CDH13: variants seen among roughly 807,000 people sequenced by gnomAD.
CDH13 encodes the protein cadherin-13.
CDH13 carries 24 observed loss-of-function variants against 63.8 expected under a neutral mutation model. That is an observed-to-expected ratio of 0.38 (90% CI 0.27 to 0.53). CDH13 has a LOEUF of 0.53. CDH13 is among the 20% of genes least tolerant of loss of function. The pLI, the probability that CDH13 is intolerant of heterozygous loss-of-function variation, is 0.85. For synonymous variants in CDH13, 503 were observed against 355.3 expected, an observed-to-expected ratio of 1.42 and a Z score of -4.67; for missense variants, 1,049 against 903.1, an observed-to-expected ratio of 1.16 and a Z score of -2.07.
At chr16:83,276,238 T>C (rs891071676) in intron 5 of CDH13, among the ~76,000 whole-genome samples, 3 of 152,138 alleles carry the variant, frequency 2.0e-5, no homozygotes, top group Admixed American at 6.5e-5. Context: ...CAAGCTGATA[T>C]CTGTTTTTCC....
At chr16:82,762,197 A>G (rs993837502) in intron 1 of CDH13, among the ~76,000 whole-genome samples, 3 of 152,152 alleles carry the variant, frequency 2.0e-5, no homozygotes, top group African/African-American at 7.2e-5. Flanking sequence ...CTTCCCAAAG[A>G]TGAAATGAAG....
intron 11 of CDH13, among the ~76,000 whole-genome samples, chr16:83,774,847 G>T (rs913674260): frequency 1.3e-5 from 2 of 152,166 alleles, no homozygotes; most frequent in Non-Finnish European, 2.9e-5. Flanking sequence ...AGAAAGTTCT[G>T]GAGATGAATG....
chr16:83,567,911 C>A (rs549130493), intron 7 of CDH13, among the ~76,000 whole-genome samples: 1 of 152,124 alleles, frequency 6.6e-6, no homozygotes, highest in African/African-American at 2.4e-5. Context: ...CAAGTTTTAA[C>A]CCTGTAAATT....
chr16:83,149,855 C>T (rs1166876393), intron 4 of CDH13, among the ~76,000 whole-genome samples: 1 of 152,208 alleles, frequency 6.6e-6, no homozygotes, highest in East Asian at 1.9e-4. Flanking sequence ...GTAATATTTA[C>T]ACCACAGAAA....
chr16:83,276,659 G>T (rs763909514), intron 5 of CDH13, among the ~76,000 whole-genome samples: 2 of 151,982 alleles, frequency 1.3e-5, no homozygotes, highest in Non-Finnish European at 2.9e-5. Flanking sequence ...TCACGAGTTC[G>T]GGAGATCGAG....
chr16:83,277,107 C>G (rs930858151), intron 5 of CDH13, among the ~76,000 whole-genome samples: 4 of 152,094 alleles, frequency 2.6e-5, no homozygotes, highest in Non-Finnish European at 5.9e-5. Flanking sequence ...TATCACAGAA[C>G]TACCACAATA....
chr16:83,418,690 AAGAG>A (rs72075939), intron 6 of CDH13, among the ~76,000 whole-genome samples: 40 of 151,058 alleles, frequency 2.6e-4, no homozygotes, highest in African/African-American at 8.5e-4. Flanking sequence ...AGTTTTAGCA[AAGAG>A]AGAGAGAGAG....
At chr16:82,895,809 G>A (rs1034166342) in intron 2 of CDH13, among the ~76,000 whole-genome samples, 5 of 151,962 alleles carry the variant, frequency 3.3e-5, no homozygotes, top group Non-Finnish European at 7.4e-5. Flanking sequence ...GCTTGAACAC[G>A]TCCACAGAAA....
intron 4 of CDH13, among the ~76,000 whole-genome samples, chr16:83,194,355 C>G (rs1197698925): frequency 6.6e-6 from 1 of 152,134 alleles, no homozygotes; most frequent in African/African-American, 2.4e-5. Flanking sequence ...ATTTTAAAAG[C>G]AAAATGACTG....
intron 3 of CDH13, among the ~76,000 whole-genome samples, chr16:83,033,452 T>C (rs1001464701): frequency 5.9e-5 from 9 of 152,216 alleles, no homozygotes; most frequent in African/African-American, 1.9e-4. Context: ...CTTCAGTATA[T>C]ATATGTGTGT....
chr16:83,598,126 G>A (rs1481531624), intron 7 of CDH13, among the ~76,000 whole-genome samples: 4 of 152,196 alleles, frequency 2.6e-5, no homozygotes, highest in African/African-American at 9.7e-5. Flanking sequence ...AGCACTTTGG[G>A]AGGCCAAGGT....
intron 1 of CDH13, among the ~76,000 whole-genome samples, chr16:82,845,544 A>T (rs1029028943): frequency 1.3e-5 from 2 of 152,168 alleles, no homozygotes; most frequent in African/African-American, 4.8e-5. Context: ...TGACAGACCT[A>T]TTCATTTACT....
intron 6 of CDH13, among the ~76,000 whole-genome samples, chr16:83,456,680 G>A (rs1225859347): frequency 6.6e-6 from 1 of 152,126 alleles, no homozygotes; most frequent in Non-Finnish European, 1.5e-5. Context: ...ATACCCTAGG[G>A]GGCTGGGCGC....
At chr16:83,715,748 T>C (rs1009764370) in intron 10 of CDH13, among the ~76,000 whole-genome samples, 5 of 152,120 alleles carry the variant, frequency 3.3e-5, no homozygotes, top group African/African-American at 1.2e-4. Flanking sequence ...TTGGGAGAGA[T>C]TGTGATGCCT....
At chr16:83,350,479 A>G (rs1339672145) in intron 6 of CDH13, among the ~76,000 whole-genome samples, 1 of 152,260 alleles carries the variant, frequency 6.6e-6, no homozygotes, top group Non-Finnish European at 1.5e-5. Flanking sequence ...AGCAGAGATT[A>G]GCAGTTACGT....
At chr16:83,443,205 C>A (rs987796862) in intron 6 of CDH13, among the ~76,000 whole-genome samples, 2 of 152,168 alleles carry the variant, frequency 1.3e-5, no homozygotes, top group Non-Finnish European at 2.9e-5. Context: ...CTTACTCCCA[C>A]AGTGATGCTT....
chr16:82,704,007 C>T (rs929199447), intron 1 of CDH13, among the ~76,000 whole-genome samples: 1 of 152,158 alleles, frequency 6.6e-6, no homozygotes, highest in Non-Finnish European at 1.5e-5. Flanking sequence ...CTCCTTTCTG[C>T]TTCATCTCCA....
chr16:83,448,980 A>T (rs915307649), intron 6 of CDH13, among the ~76,000 whole-genome samples: 4 of 152,198 alleles, frequency 2.6e-5, no homozygotes, highest in Non-Finnish European at 5.9e-5. Flanking sequence ...TGAAGCAACA[A>T]TATGCTCCTA....
At chr16:83,184,905 G>T (rs2038468389) in intron 4 of CDH13, among the ~76,000 whole-genome samples, 1 of 147,880 alleles carries the variant, frequency 6.8e-6, no homozygotes, top group African/African-American at 2.6e-5. Flanking sequence ...GTGTGTGTGT[G>T]TGCGTGTGTG....
Sources: allele counts gnomAD v4.1 joint callset (sites outside exome capture counted in the v4.1 genomes callset), GRCh38; gene constraint gnomAD v4.1.1; transcripts MANE v1.5; gene names NCBI Gene and HGNC (gene_info 2026-07-23, HGNC 2026-07-21).